The following CACNA2D3 variants were observed in gnomAD, a reference collection of about 807,000 sequenced individuals.
The protein encoded by CACNA2D3 is voltage-dependent calcium channel subunit alpha-2/delta-3.
In CACNA2D3, 60 loss-of-function variants were observed where a neutral mutation model predicts 160.6. That is an observed-to-expected ratio of 0.37 (90% CI 0.30 to 0.46). CACNA2D3 has a LOEUF of 0.46. Among genes scored for constraint, CACNA2D3 ranks in the 20% least tolerant of loss-of-function variants. CACNA2D3 has a pLI of 1.00. For missense variants in CACNA2D3, 1,205 were observed against 1,365.0 expected (o/e 0.88, Z 1.85); for synonymous variants, 558 against 492.9 (o/e 1.13, Z -1.75).
intron 27 of CACNA2D3, among the ~76,000 whole-genome samples, chr3:54,930,534 A>G (rs544067370): frequency 3.9e-5 from 6 of 152,346 alleles, no homozygotes; most frequent in Admixed American, 2.6e-4. Flanking sequence ...AAAATGATCA[A>G]TCTATTGACA....
chr3:54,201,041 T>C (rs186021080), intron 2 of CACNA2D3, among the ~76,000 whole-genome samples: 2 of 152,208 alleles, frequency 1.3e-5, no homozygotes, highest in East Asian at 1.9e-4. Context: ...CACCTGAGAG[T>C]GTGTGGCCGG....
chr3:54,471,370 C>T lies in CACNA2D3; in HGVS notation c.382-32122C>T, dbSNP rs567793479. Among the ~76,000 whole-genome samples, 1,314 of 152,230 alleles carry T rather than the reference C, an allele frequency of 8.6e-3. 17 individuals carry two copies. Among genetic ancestry groups the T allele is most frequent in the African/African-American group, 0.03 (1,251 of 41,546 alleles). On this transcript the variant is annotated intron_variant, in intron 4 of 37. Transcript: ENST00000474759. ...GAAACCAATAAGAACAAAGACACATCGTACCAGAATCTCTGGGACACATTT... is the reference window on the plus strand; with the variant it reads ...GAAACCAATAAGAACAAAGACACATTGTACCAGAATCTCTGGGACACATTT...
chr3:54,557,563 AAATG>A (rs1702259647), intron 5 of CACNA2D3, among the ~76,000 whole-genome samples: 1 of 152,338 alleles, frequency 6.6e-6, no homozygotes, highest in African/African-American at 2.4e-5. Flanking sequence ...TGAGCTAAGG[AAATG>A]GAATTTCGCT....
At chr3:55,072,462 G>GGTGA (rs1704832808) in intron 35 of CACNA2D3, among the ~76,000 whole-genome samples, 2 of 152,162 alleles carry the variant, frequency 1.3e-5, no homozygotes, top group South Asian at 4.1e-4. Context: ...AGTTCACCAT[G>GGTGA]GTGATATACT....
intron 35 of CACNA2D3, among the ~76,000 whole-genome samples, chr3:55,069,231 C>G (rs1704742583): frequency 1.3e-5 from 2 of 152,148 alleles, no homozygotes; most frequent in Non-Finnish European, 2.9e-5. Context: ...CCAGACTATT[C>G]TCTATATTTA....
intron 5 of CACNA2D3, among the ~76,000 whole-genome samples, chr3:54,547,923 G>A (rs1702091215): frequency 6.6e-6 from 1 of 151,986 alleles, no homozygotes; most frequent in African/African-American, 2.4e-5. Flanking sequence ...CAAACTCCTG[G>A]CCTCAAATGA....
intron 4 of CACNA2D3, among the ~76,000 whole-genome samples, chr3:54,469,945 T>G (rs374788872): frequency 2.6e-5 from 4 of 152,082 alleles, no homozygotes; most frequent in African/African-American, 9.7e-5. Flanking sequence ...AAGACCAAAC[T>G]TACTTTTGAC....
At chr3:54,332,459 C>T (rs1704287309) in intron 3 of CACNA2D3, among the ~76,000 whole-genome samples, 1 of 152,132 alleles carries the variant, frequency 6.6e-6, no homozygotes, top group Admixed American at 6.6e-5. Flanking sequence ...AGATATAATT[C>T]ACATATGTAT....
intron 16 of CACNA2D3, among the ~76,000 whole-genome samples, chr3:54,842,518 G>C (rs1294514066): frequency 1.3e-5 from 2 of 152,004 alleles, no homozygotes; most frequent in African/African-American, 2.4e-5. Flanking sequence ...TTCCCACAAA[G>C]AGCTCATTCT....
intron 13 of CACNA2D3, among the ~76,000 whole-genome samples, chr3:54,799,692 G>T (rs1032341510): frequency 2.0e-5 from 3 of 152,030 alleles, no homozygotes; most frequent in Non-Finnish European, 2.9e-5. Flanking sequence ...AAGTTCTTTG[G>T]CTCCCATCTC....
chr3:54,683,955 T>C (rs1052105957), intron 11 of CACNA2D3, among the ~76,000 whole-genome samples: 1 of 133,074 alleles, frequency 7.5e-6, no homozygotes, highest in Non-Finnish European at 1.6e-5. Context: ...TGTGCCCAAA[T>C]TTCCACCTTT....
chr3:54,801,515 A>G (rs962964344), intron 13 of CACNA2D3, among the ~76,000 whole-genome samples: 2 of 152,324 alleles, frequency 1.3e-5, no homozygotes, highest in Admixed American at 6.5e-5. Context: ...TGTTAGTGAC[A>G]GCCTAGATCT....
chr3:54,630,022 T>C (rs942788897), intron 10 of CACNA2D3, among the ~76,000 whole-genome samples: 1 of 152,116 alleles, frequency 6.6e-6, no homozygotes, highest in Non-Finnish European at 1.5e-5. Flanking sequence ...TTGTTCACAG[T>C]TATTGAGAAT....
chr3:54,652,237 G>C (rs1296783244), intron 11 of CACNA2D3, among the ~76,000 whole-genome samples: 1 of 151,868 alleles, frequency 6.6e-6, no homozygotes, highest in Non-Finnish European at 1.5e-5. Context: ...GCTGGCAGCG[G>C]AAAAAAAGGG....
At position 54,990,492 on chromosome 3, in the gene CACNA2D3, C is replaced by T. The variant is rs139841527; in HGVS notation, c.2690+2739C>T. Among the ~76,000 whole-genome samples, 507 of 152,222 alleles carry T rather than the reference C, an allele frequency of 3.3e-3. 2 individuals carry two copies. Among genetic ancestry groups the T allele is most frequent in the African/African-American group, 0.012 (481 of 41,534 alleles). ...ATTGCGATAAGCCGAGGTCATGCTA[C>T]GGCACTTCAGCCTGGGTGACAGAGC... On this transcript the variant is annotated intron_variant, in intron 31 of 37. Transcript: ENST00000474759.
At chr3:54,819,515 G>A (rs1703536539) in intron 14 of CACNA2D3, among the ~76,000 whole-genome samples, 1 of 152,104 alleles carries the variant, frequency 6.6e-6, no homozygotes. Context: ...GGGCAAAAGA[G>A]CCCAGCAGGT....
intron 27 of CACNA2D3, chr3:54,918,332 C>CTTTTT (rs533596688): frequency 0.016 from 3,626 of 227,986 alleles, 1,013 homozygotes; most frequent in South Asian, 0.026. Flanking sequence ...TTTTTTTTTT[C>CTTTTT]TTTTTTTTTT....
intron 27 of CACNA2D3, among the ~76,000 whole-genome samples, chr3:54,908,055 G>A (rs967587027): frequency 2.0e-5 from 3 of 152,152 alleles, no homozygotes; most frequent in African/African-American, 7.2e-5. Context: ...TGTTTTTATA[G>A]TCTCTTGGGT....
chr3:54,526,473 C>T (rs1701724418), intron 5 of CACNA2D3, among the ~76,000 whole-genome samples: 1 of 152,072 alleles, frequency 6.6e-6, no homozygotes, highest in Admixed American at 6.6e-5. Context: ...TGGTTTCAGC[C>T]TCTGGGGTTC....
Sources: allele counts gnomAD v4.1 joint callset (sites outside exome capture counted in the v4.1 genomes callset), GRCh38; gene constraint gnomAD v4.1.1; transcripts MANE v1.5; gene names NCBI Gene and HGNC (gene_info 2026-07-23, HGNC 2026-07-21).